The following SUFU variants were observed in gnomAD, a reference collection of about 807,000 sequenced individuals.
SUFU encodes the protein suppressor of fused homolog.
Under a neutral mutation model 58.9 loss-of-function variants are expected in SUFU, and 7 were observed. The ratio of observed to expected loss-of-function variants is 0.12; its 90% CI spans 0.07 to 0.22. The LOEUF is 0.22. Among genes scored for constraint, SUFU ranks in the 10% least tolerant of loss-of-function variants. The pLI is 1.00. For synonymous variants in SUFU, 232 were observed against 254.8 expected, an observed-to-expected ratio of 0.91 and a Z score of 0.85; for missense variants, 451 against 641.3, an observed-to-expected ratio of 0.70 and a Z score of 3.20.
intron 10 of SUFU, among the ~76,000 whole-genome samples, chr10:102,623,918 C>T (rs561463175): frequency 1.3e-5 from 2 of 152,084 alleles, no homozygotes; most frequent in South Asian, 4.2e-4. Context: ...CCAGCCTGGG[C>T]GATAGGGCAA....
At chr10:102,567,925 A>G (rs1217762238) in intron 3 of SUFU, among the ~76,000 whole-genome samples, 3 of 152,114 alleles carry the variant, frequency 2.0e-5, no homozygotes, top group Non-Finnish European at 4.4e-5. Context: ...ACAGGACACT[A>G]TCAACCTCCT....
intron 3 of SUFU, among the ~76,000 whole-genome samples, chr10:102,568,433 A>G (rs1468716391): frequency 1.3e-5 from 2 of 152,224 alleles, no homozygotes; most frequent in Non-Finnish European, 2.9e-5. Flanking sequence ...AAAAATAAAT[A>G]TTATGCTGCT....
At chr10:102,511,085 T>C (rs1479284177) in intron 2 of SUFU, among the ~76,000 whole-genome samples, 2 of 149,482 alleles carry the variant, frequency 1.3e-5, no homozygotes, top group East Asian at 2.0e-4. Flanking sequence ...TGTGCCATTG[T>C]ACTCCAGCCT....
chr10:102,622,639 T>C (rs979247487), intron 10 of SUFU, among the ~76,000 whole-genome samples: 1 of 151,608 alleles, frequency 6.6e-6, no homozygotes, highest in Non-Finnish European at 1.5e-5. Flanking sequence ...CTTGTTTGTC[T>C]GCTGTTAAAC....
chr10:102,619,344 C>T lies in SUFU; in HGVS notation c.1296+1916C>T. 2.1e-6 allele frequency: 3 copies of T among 1,423,308 alleles called. No individual in the cohort carries two copies. Among genetic ancestry groups the T allele is most frequent in the Non-Finnish European group, 2.7e-6 (3 of 1,091,612 alleles). The allele number at this position is 1,423,308 out of a possible 1,614,324, so 88.2% of individuals were successfully genotyped here. A position where few individuals can be genotyped will look rare whatever the true frequency, so the allele number is the denominator to read the frequency against. ...CAGCGAGCCTGAGGCCCAGCACCCG[C>T]TGGCTCCCCAGCACATGGTCCCCTC... On this transcript the variant is annotated intron_variant, in intron 10 of 11. Coordinates refer to ENST00000369902, the MANE Select transcript of SUFU (RefSeq NM_016169.4). The surrounding 1 kb of genome is among the most constrained non-coding windows in gnomAD (Gnocchi z 4.2).
At position 102,627,163 on chromosome 10, in the gene SUFU, G is replaced by A; in HGVS notation, c.1297-12G>A. On this transcript the variant is annotated splice_polypyrimidine_tract_variant and intron_variant, in intron 10 of 11. Coordinates refer to ENST00000369902, the MANE Select transcript of SUFU (RefSeq NM_016169.4). Reference sequence around the variant, plus strand: ...AAAAATAATAATAAAAGCCTGCCTTGTGCCTTCACAGATTCTGTTGACCGA... The same window carrying A: ...AAAAATAATAATAAAAGCCTGCCTTATGCCTTCACAGATTCTGTTGACCGA... The A allele has an allele frequency of 6.2e-7, 1 of 1,614,112 alleles. No homozygotes were observed. Among genetic ancestry groups the A allele is most frequent in the South Asian group, 1.1e-5 (1 of 91,082 alleles).
chr10:102,572,619 A>G, intron 3 of SUFU: 2 of 449,106 alleles, frequency 4.5e-6, no homozygotes, highest in Non-Finnish European at 8.3e-6. Context: ...TGAACCCCTG[A>G]CCTCGTGATC....
At chr10:102,568,953 T>TACAC (rs2063133303) in intron 3 of SUFU, among the ~76,000 whole-genome samples, 4 of 112,340 alleles carry the variant, frequency 3.6e-5, no homozygotes, top group Non-Finnish European at 5.3e-5. Context: ...TATATATATA[T>TACAC]ATATATATAT....
At chr10:102,513,963 C>T (rs1328610224) in intron 2 of SUFU, among the ~76,000 whole-genome samples, 1 of 152,144 alleles carries the variant, frequency 6.6e-6, no homozygotes, top group Non-Finnish European at 1.5e-5. Context: ...CGGCTCACTG[C>T]AGCCTCAACC....
chr10:102,612,935 GGGCTCAGGAAACAT>G (rs1272116902), intron 8 of SUFU, among the ~76,000 whole-genome samples: 3 of 152,166 alleles, frequency 2.0e-5, no homozygotes, highest in Admixed American at 1.3e-4. Context: ...CGCAGAGTAA[GGGCTCAGGAAACAT>G]GGCTCAGGAA....
intron 2 of SUFU, among the ~76,000 whole-genome samples, chr10:102,524,198 G>A (rs2062581941): frequency 1.3e-5 from 2 of 151,892 alleles, no homozygotes; most frequent in South Asian, 2.1e-4. Flanking sequence ...TATAGTCAGG[G>A]TCTCACTATG....
intron 3 of SUFU, among the ~76,000 whole-genome samples, chr10:102,588,392 CAAAAA>C (rs201096208): frequency 2.2e-5 from 2 of 91,604 alleles, no homozygotes; most frequent in Admixed American, 1.1e-4. Flanking sequence ...GACTCTGTCT[CAAAAA>C]AAAAAAAAAA....
chr10:102,519,543 A>AAAG (rs1396607401), intron 2 of SUFU, among the ~76,000 whole-genome samples: 1 of 151,074 alleles, frequency 6.6e-6, no homozygotes, highest in Non-Finnish European at 1.5e-5. Context: ...AAAAAAAAAA[A>AAAG]AGTCTTCTGC....
chr10:102,584,582 A>C (rs2063317690), intron 3 of SUFU, among the ~76,000 whole-genome samples: 2 of 152,186 alleles, frequency 1.3e-5, no homozygotes, highest in South Asian at 2.1e-4. Flanking sequence ...TTTTTAAACA[A>C]TTTTAGGTAG....
intron 3 of SUFU, among the ~76,000 whole-genome samples, chr10:102,590,167 T>C (rs2063382400): frequency 1.5e-5 from 2 of 137,266 alleles, no homozygotes; most frequent in African/African-American, 5.5e-5. Context: ...TTTCTTTTTT[T>C]TTTTTTTTTG....
rs886046654 is a variant in SUFU at position 102,630,286 on chromosome 10, C to T, written c.*131C>T. Reference sequence around the variant, plus strand: ...TGAGGAAGACTGCGCAGTGCCACCCCGCAGCCCAGTGGGGTGCCATGCACA... The same window carrying T: ...TGAGGAAGACTGCGCAGTGCCACCCTGCAGCCCAGTGGGGTGCCATGCACA... On this transcript the variant is annotated 3_prime_UTR_variant, in exon 12 of 12. Coordinates refer to ENST00000369902, the MANE Select transcript of SUFU (RefSeq NM_016169.4). The T allele has an allele frequency of 1.7e-5, 14 of 833,328 alleles. No individual in the cohort carries two copies. The highest frequency in any genetic ancestry group is 5.0e-5 in the African/African-American group (3 of 59,458). 51.6% of individuals were successfully genotyped at this position (833,328 alleles called of 1,614,324 possible).
intron 3 of SUFU, among the ~76,000 whole-genome samples, chr10:102,551,733 T>C (rs1025640522): frequency 1.4e-5 from 2 of 138,776 alleles, no homozygotes; most frequent in African/African-American, 5.3e-5. Flanking sequence ...TTTTTTTTTT[T>C]TTTTTTTTGG....
At chr10:102,568,942 A>G (rs1412914505) in intron 3 of SUFU, among the ~76,000 whole-genome samples, 2 of 75,746 alleles carry the variant, frequency 2.6e-5, no homozygotes, top group African/African-American at 8.8e-5. Context: ...ATATATATAT[A>G]TATATATATA....
Position 102,629,439 on chromosome 10 carries a change from G to C in SUFU, c.1366-627G>C, listed in dbSNP as rs1476025347. On this transcript the variant is annotated intron_variant, in intron 11 of 11. Coordinates refer to ENST00000369902, the MANE Select transcript of SUFU (RefSeq NM_016169.4). The surrounding 1 kb of genome is among the most constrained non-coding windows in gnomAD (Gnocchi z 4.7). ...CTGAGGCTGGTAACCCTGGGAAGTG[G>C]TGCGAATGAATACAGGGAGCAGGGT... 6.6e-6 allele frequency among the ~76,000 whole-genome samples: 1 copy of C among 152,194 alleles called. No individual in the cohort carries two copies. Among genetic ancestry groups the C allele is most frequent in the Non-Finnish European group, 1.5e-5 (1 of 68,042 alleles).
Sources: gnomAD v4.1 joint callset for allele counts (sites outside exome capture counted in the v4.1 genomes callset) on GRCh38, gnomAD v4.1.1 for gene constraint, Gnocchi (gnomAD v3.1) non-coding constraint, MANE v1.5 for transcripts, NCBI Gene and HGNC (gene_info 2026-07-23, HGNC 2026-07-21) for gene names.